The following NDST3 variants were observed in gnomAD, a reference collection of about 807,000 sequenced individuals.
NDST3 encodes the protein N-deacetylase and N-sulfotransferase 3.
NDST3 carries 58 observed loss-of-function variants against 96.1 expected under a neutral mutation model. The observed-to-expected ratio is 0.60, with a 90% CI of 0.49 to 0.75. The LOEUF is 0.75. Ranked by LOEUF, NDST3 falls within the 30% of genes least tolerant of loss-of-function variation. The pLI is 0.00. For missense variants in NDST3, 788 were observed against 1,034.2 expected (o/e 0.76, Z 3.27); for synonymous variants, 333 against 359.7 (o/e 0.93, Z 0.84).
chr4:118,099,507 T>C (rs987330596), intron 2 of NDST3, among the ~76,000 whole-genome samples: 5 of 152,096 alleles, frequency 3.3e-5, no homozygotes, highest in African/African-American at 1.2e-4. Flanking sequence ...TATGGGCAAC[T>C]GAGAGCTGAG....
intron 4 of NDST3, among the ~76,000 whole-genome samples, chr4:118,132,716 A>T (rs1732737706): frequency 6.6e-6 from 1 of 152,310 alleles, no homozygotes; most frequent in South Asian, 2.1e-4. Context: ...GGCTCACAGC[A>T]TACTCCCTGG....
chr4:118,108,653 T>C (rs1730398217), intron 3 of NDST3, among the ~76,000 whole-genome samples: 1 of 152,160 alleles, frequency 6.6e-6, no homozygotes, highest in Non-Finnish European at 1.5e-5. Context: ...TTTCCATTTG[T>C]TTCCATGGAA....
chr4:118,227,844 C>A (rs1032214408), intron 8 of NDST3, among the ~76,000 whole-genome samples: 7 of 152,110 alleles, frequency 4.6e-5, no homozygotes, highest in African/African-American at 1.7e-4. Flanking sequence ...GATCTCCTGA[C>A]CTCGTGATCC....
chr4:118,102,366 T>C (rs1257560983), intron 2 of NDST3, among the ~76,000 whole-genome samples: 1 of 152,030 alleles, frequency 6.6e-6, no homozygotes, highest in African/African-American at 2.4e-5. Context: ...ATTCCTTACC[T>C]CCTCCATGAC....
intron 12 of NDST3, among the ~76,000 whole-genome samples, chr4:118,242,769 C>T (rs1425953997): frequency 1.3e-5 from 2 of 151,702 alleles, no homozygotes; most frequent in Admixed American, 6.6e-5. Flanking sequence ...TGGTTTCCTC[C>T]GATTTTCTTA....
At chr4:118,221,995 A>G (rs533275565) in intron 6 of NDST3, among the ~76,000 whole-genome samples, 2 of 150,396 alleles carry the variant, frequency 1.3e-5, no homozygotes, top group South Asian at 4.2e-4. Context: ...TTCCATCTAA[A>G]AAAAAAAAAA....
At chr4:118,255,268 G>A (rs891008969) in intron 13 of NDST3, among the ~76,000 whole-genome samples, 1 of 152,070 alleles carries the variant, frequency 6.6e-6, no homozygotes. Flanking sequence ...TTTATTTAAG[G>A]GAGTGGCTGA....
At chr4:118,209,648 T>A (rs1738661881) in intron 6 of NDST3, among the ~76,000 whole-genome samples, 1 of 152,186 alleles carries the variant, frequency 6.6e-6, no homozygotes, top group African/African-American at 2.4e-5. Flanking sequence ...GACATAAATG[T>A]TATAAAAAAG....
intron 6 of NDST3, among the ~76,000 whole-genome samples, chr4:118,155,869 T>G (rs1734680278): frequency 6.6e-6 from 1 of 152,210 alleles, no homozygotes; most frequent in African/African-American, 2.4e-5. Flanking sequence ...TAGGAGTTTT[T>G]GGAATGGATA....
chr4:118,205,895 C>T lies in NDST3; in HGVS notation c.1540-18596C>T, dbSNP rs192720113. 9.5e-5 allele frequency among the ~76,000 whole-genome samples: 13 copies of T among 137,304 alleles called. 2 individuals carry two copies. Among genetic ancestry groups the T allele is most frequent in the East Asian group, 6.1e-4 (3 of 4,924 alleles). 90.1% of individuals were successfully genotyped at this position (137,304 alleles called of 152,430 possible). On this transcript the variant is annotated intron_variant, in intron 6 of 13. Transcript: ENST00000296499. ...TCACCCAGGCTGGAGTGCAGTGCCG[C>T]GATCTCGGCTCACTGCAAGCTCCGC...
intron 6 of NDST3, among the ~76,000 whole-genome samples, chr4:118,180,487 T>C (rs1736541100): frequency 6.6e-6 from 1 of 152,174 alleles, no homozygotes; most frequent in African/African-American, 2.4e-5. Context: ...CTTTGAGTGG[T>C]ACAAAGAAGT....
At chr4:118,077,265 G>A (rs1173776981) in intron 2 of NDST3, among the ~76,000 whole-genome samples, 6 of 152,210 alleles carry the variant, frequency 3.9e-5, no homozygotes, top group Admixed American at 3.9e-4. Flanking sequence ...TCATTCACAT[G>A]TGCCAACAGC....
intron 6 of NDST3, among the ~76,000 whole-genome samples, chr4:118,190,024 T>TA (rs1412899302): frequency 5.9e-5 from 9 of 151,938 alleles, no homozygotes; most frequent in Non-Finnish European, 1.0e-4. Context: ...TCAAACTAGA[T>TA]AAAAAAAATT....
intron 6 of NDST3, among the ~76,000 whole-genome samples, chr4:118,215,076 G>A (rs1324055679): frequency 6.6e-6 from 1 of 152,012 alleles, no homozygotes; most frequent in Non-Finnish European, 1.5e-5. Context: ...AAGTGAGATG[G>A]CTATGGCACA....
At chr4:118,181,227 C>T (rs1450864632) in intron 6 of NDST3, among the ~76,000 whole-genome samples, 2 of 152,108 alleles carry the variant, frequency 1.3e-5, no homozygotes, top group African/African-American at 4.8e-5. Flanking sequence ...CACGAGAACT[C>T]TATTCCCTCT....
intron 2 of NDST3, among the ~76,000 whole-genome samples, chr4:118,059,885 T>C (rs1725755744): frequency 6.6e-6 from 1 of 152,168 alleles, no homozygotes; most frequent in Non-Finnish European, 1.5e-5. Context: ...ATTTCTTGAG[T>C]TCCTTTCCAT....
chr4:118,106,636 A>C (rs1202270834), intron 3 of NDST3, among the ~76,000 whole-genome samples: 1 of 151,954 alleles, frequency 6.6e-6, no homozygotes, highest in African/African-American at 2.4e-5. Flanking sequence ...AAAAATATCT[A>C]ATTGGTTAGC....
At chr4:118,200,214 G>A (rs1480030337) in intron 6 of NDST3, among the ~76,000 whole-genome samples, 1 of 152,184 alleles carries the variant, frequency 6.6e-6, no homozygotes, top group Non-Finnish European at 1.5e-5. Flanking sequence ...AATCTTAGAA[G>A]TCTACCTGGT....
intron 11 of NDST3, among the ~76,000 whole-genome samples, 179 bp from the exon 12 acceptor site, chr4:118,241,861 T>G (rs530000511): frequency 4.8e-4 from 73 of 152,328 alleles, no homozygotes; most frequent in African/African-American, 1.7e-3. Flanking sequence ...ACTTAATTGG[T>G]GTGATTTATT....
Sources: allele counts gnomAD v4.1 joint callset (sites outside exome capture counted in the v4.1 genomes callset), GRCh38; gene constraint gnomAD v4.1.1; transcripts MANE v1.5; gene names NCBI Gene and HGNC (gene_info 2026-07-23, HGNC 2026-07-21).